The following RBFOX3 variants were observed in gnomAD, a reference collection of about 807,000 sequenced individuals.
The protein encoded by RBFOX3 is RNA binding protein fox-1 homolog 3.
A neutral mutation model predicts 48.7 loss-of-function variants in RBFOX3; 17 were observed. The ratio of observed to expected loss-of-function variants is 0.35; its 90% confidence interval spans 0.24 to 0.52. The LOEUF is 0.52. Among genes scored for constraint, RBFOX3 ranks in the 20% least tolerant of loss-of-function variants. RBFOX3 has a pLI of 0.94. For synonymous variants in RBFOX3, 212 were observed against 209.5 expected (o/e 1.01, Z -0.10); for missense variants, 382 against 497.5 (o/e 0.77, Z 2.21).
intron 3 of RBFOX3, among the ~76,000 whole-genome samples, chr17:79,270,421 C>T (rs192195998): frequency 2.6e-5 from 4 of 152,314 alleles, no homozygotes; most frequent in East Asian, 3.9e-4. Context: ...AGCTCAAGAG[C>T]GGGCACCCCC....
intron 2 of RBFOX3, among the ~76,000 whole-genome samples, chr17:79,419,072 C>G (rs2065829872): frequency 6.6e-6 from 1 of 152,218 alleles, no homozygotes; most frequent in East Asian, 1.9e-4. Flanking sequence ...TGTAAATTAG[C>G]AGGCAACATT....
rs564271171 is a variant in RBFOX3, at chr17:79,186,552, G to A, written c.-34+49214C>T. On this transcript the variant is annotated intron_variant, in intron 4 of 14. Coordinates refer to ENST00000693108, the MANE Select transcript of RBFOX3 (RefSeq NM_001350451.2). The stretch of plus-strand genomic sequence containing the variant: ...AGCCCCTGGTGCCTTGTGGACTGGG[G>A]TGGGTGGCCCTGAGCAGGGGGTGGG... Among the ~76,000 whole-genome samples the A allele has an allele frequency of 2.6e-5, 4 of 152,310 alleles. No homozygotes were observed. In the South Asian group the frequency reaches 8.3e-4, roughly 32 times the overall value.
chr17:79,368,075 T>G (rs1174181012), intron 2 of RBFOX3, among the ~76,000 whole-genome samples: 2 of 152,288 alleles, frequency 1.3e-5, no homozygotes, highest in African/African-American at 4.8e-5. Flanking sequence ...TTCCTGCTAA[T>G]GAGATTAAGA....
chr17:79,354,912 A>G (rs1283950255), intron 2 of RBFOX3, among the ~76,000 whole-genome samples: 1 of 152,238 alleles, frequency 6.6e-6, no homozygotes, highest in Non-Finnish European at 1.5e-5. Context: ...AGCTATAATT[A>G]GCTCCCTTAA....
At chr17:79,168,378 C>T (rs1031609561) in intron 4 of RBFOX3, among the ~76,000 whole-genome samples, 1 of 152,262 alleles carries the variant, frequency 6.6e-6, no homozygotes, top group South Asian at 2.1e-4. Context: ...TGTGAATTGA[C>T]CAAATGGAAA....
At chr17:79,142,280 G>A (rs1483087062) in intron 4 of RBFOX3, among the ~76,000 whole-genome samples, 1 of 152,232 alleles carries the variant, frequency 6.6e-6, no homozygotes, top group Non-Finnish European at 1.5e-5. Context: ...CTCTGGGGAT[G>A]GGGAGGTGGC....
chr17:79,359,453 C>T (rs2085870693), intron 2 of RBFOX3, among the ~76,000 whole-genome samples: 1 of 152,236 alleles, frequency 6.6e-6, no homozygotes. Flanking sequence ...TCCTCCCCCA[C>T]AAATTCCAAA....
chr17:79,252,728 C>T lies in RBFOX3; in HGVS notation c.-73-16923G>A, dbSNP rs965275705. Among the ~76,000 whole-genome samples, 1 of 152,250 alleles carries T rather than the reference C, an allele frequency of 6.6e-6. No homozygotes were observed. Among genetic ancestry groups the T allele is most frequent in the African/African-American group, 2.4e-5 (1 of 41,474 alleles). On this transcript the variant is annotated intron_variant, in intron 3 of 14. Coordinates refer to ENST00000693108, the MANE Select transcript of RBFOX3 (RefSeq NM_001350451.2). This position sits in a 1 kb window ranked among gnomAD's most constrained non-coding sequence, Gnocchi z 4.0. ...AGTTCTCAGCGTCACATCGCTCTGG[C>T]TGTGTTGACCACTCCCAGCCAACTG...
At chr17:79,182,303 A>G (rs2052190629) in intron 4 of RBFOX3, among the ~76,000 whole-genome samples, 1 of 152,112 alleles carries the variant, frequency 6.6e-6, no homozygotes, top group Non-Finnish European at 1.5e-5. Context: ...GTGGGAACCG[A>G]AAACAAGGCA....
rs569724491 is a variant in RBFOX3 at position 79,467,962 on chromosome 17, C to G, written c.-175+14492G>C. 3.2e-3 allele frequency among the ~76,000 whole-genome samples: 490 copies of G among 152,142 alleles called. 2 individuals carry two copies. The highest frequency in any genetic ancestry group is 0.018 in the South Asian group (89 of 4,818). The stretch of plus-strand genomic sequence containing the variant: ...TGCAAGGTGCCACAGGTATGAGAAC[C>G]CAGGAGACGGTTCTTCTCCAACACC... On this transcript the variant is annotated intron_variant, in intron 2 of 14. Coordinates refer to ENST00000693108, the MANE Select transcript of RBFOX3 (RefSeq NM_001350451.2).
chr17:79,126,664 A>T (rs2147340881), intron 4 of RBFOX3, among the ~76,000 whole-genome samples: 1 of 152,254 alleles, frequency 6.6e-6, no homozygotes, highest in Non-Finnish European at 1.5e-5. Context: ...CTCTGGCTGC[A>T]ATTGAGCACC....
chr17:79,097,540 C>T (rs1245605834), intron 10 of RBFOX3, 116 bp from the exon 11 acceptor site: 33 of 1,418,480 alleles, frequency 2.3e-5, no homozygotes. Flanking sequence ...CCCCAAGCCC[C>T]GCCCCCGGAG....
the RBFOX3 span, among the ~76,000 whole-genome samples, chr17:79,644,819 G>A: frequency 3.3e-5 from 5 of 152,138 alleles, no homozygotes; most frequent in East Asian, 3.8e-4. Flanking sequence ...TTGCTATGAC[G>A]TCATTTTCTT....
chr17:79,417,387 T>C (rs1010121336), intron 2 of RBFOX3, among the ~76,000 whole-genome samples: 56 of 152,184 alleles, frequency 3.7e-4, no homozygotes, highest in Admixed American at 2.7e-3. Context: ...CCTGGCCCTG[T>C]CACAATCCCT....
intron 2 of RBFOX3, among the ~76,000 whole-genome samples, chr17:79,388,493 C>T (rs535933845): frequency 2.8e-4 from 42 of 152,324 alleles, no homozygotes; most frequent in African/African-American, 8.9e-4. Flanking sequence ...CACCTGCATG[C>T]GCCTTACTTA....
upstream of RBFOX3, among the ~76,000 whole-genome samples, chr17:79,615,172 G>A (rs1251886899): frequency 7.2e-5 from 11 of 152,230 alleles, no homozygotes; most frequent in East Asian, 1.2e-3. Flanking sequence ...ATCACAAAGC[G>A]TGCCTTCAAA....
chr17:79,496,087 G>T (rs2081494499), intron 1 of RBFOX3, among the ~76,000 whole-genome samples: 1 of 152,046 alleles, frequency 6.6e-6, no homozygotes, highest in African/African-American at 2.4e-5. Flanking sequence ...TGAACTTTTG[G>T]AAAGTGGAGC....
At chr17:79,234,430 CAA>C (rs764395932) in intron 4 of RBFOX3, 27 of 152,114 alleles carry the variant, frequency 1.8e-4, no homozygotes, top group African/African-American at 6.0e-4. Flanking sequence ...AAACGCGGTA[CAA>C]AAAAGAGTGC....
intron 2 of RBFOX3, among the ~76,000 whole-genome samples, chr17:79,434,669 G>A (rs1356181446): frequency 3.3e-5 from 5 of 152,098 alleles, no homozygotes; most frequent in African/African-American, 4.8e-5. Flanking sequence ...TTTGTATAGG[G>A]GATTTAGCCA....
Sources: allele counts gnomAD v4.1 joint callset (sites outside exome capture counted in the v4.1 genomes callset), GRCh38; gene constraint gnomAD v4.1.1; non-coding constraint Gnocchi (gnomAD v3.1); transcripts MANE v1.5; gene names NCBI Gene and HGNC (gene_info 2026-07-23, HGNC 2026-07-21).